The following ZSWIM4 variants were observed in gnomAD, a reference collection of about 807,000 sequenced individuals.
The protein encoded by ZSWIM4 is zinc finger SWIM-type containing 4.
ZSWIM4 carries 62 observed loss-of-function variants against 102.5 expected under a neutral mutation model. The observed-to-expected ratio is 0.60, with a 90% CI of 0.49 to 0.75. The LOEUF is 0.75. Among genes scored for constraint, ZSWIM4 ranks in the 30% least tolerant of loss-of-function variants. The pLI, the probability that ZSWIM4 is intolerant of heterozygous loss-of-function variation, is 0.00. For synonymous variants in ZSWIM4, 652 were observed against 674.5 expected (o/e 0.97, Z 0.52); for missense variants, 1,280 against 1,529.6 (o/e 0.84, Z 2.72).
rs908290630 is a variant in ZSWIM4 at position 13,825,866 on chromosome 19, C to G, written c.2379+153C>G. Among the ~76,000 whole-genome samples, 1 of 152,090 alleles carries G rather than the reference C, an allele frequency of 6.6e-6. No homozygotes were observed. Among genetic ancestry groups the G allele is most frequent in the Non-Finnish European group, 1.5e-5 (1 of 68,018 alleles). On this transcript the variant is annotated intron_variant, in intron 12 of 13. Transcript: ENST00000590508. This position sits in a 1 kb window ranked among gnomAD's most constrained non-coding sequence, Gnocchi z 4.6. ...TATTCCTCTGTGGCTGGGGACTGAG[C>G]GAGAACCACTCTTGGGGCGGGGACT...
At position 13,800,411 on chromosome 19, in the gene ZSWIM4, G is replaced by A. The variant is rs1240039489; in HGVS notation, c.355+490G>A. ...CTCCCAAGTAGCCGGGACTACAGGCGCCCGCCACCAAGCCCGGCTAATTTT... is the reference window on the plus strand; with the variant it reads ...CTCCCAAGTAGCCGGGACTACAGGCACCCGCCACCAAGCCCGGCTAATTTT... On this transcript the variant is annotated intron_variant, in intron 2 of 13. Coordinates refer to ENST00000590508, the MANE Select transcript of ZSWIM4 (RefSeq NM_001367834.3). Among the ~76,000 whole-genome samples the A allele has an allele frequency of 4.0e-5, 6 of 151,814 alleles. No homozygotes were observed. In the East Asian group the frequency reaches 5.8e-4, roughly 15 times the overall value.
rs529167596 is a variant in ZSWIM4 at position 13,809,810 on chromosome 19, A to C, written c.1012+590A>C. Among the ~76,000 whole-genome samples, 287 of 151,554 alleles carry C rather than the reference A, an allele frequency of 1.9e-3. No homozygotes were observed. The highest frequency in any genetic ancestry group is 6.7e-3 in the African/African-American group (275 of 41,294). The stretch of plus-strand genomic sequence containing the variant: ...GTTTTGTTTCTTTTTTTCTTTTTTT[A>C]GAGACAGGATCTCACTGTGCGCCCA... On this transcript the variant is annotated intron_variant, in intron 5 of 13. Coordinates refer to ENST00000590508, the MANE Select transcript of ZSWIM4 (RefSeq NM_001367834.3). The surrounding 1 kb of genome is among the most constrained non-coding windows in gnomAD (Gnocchi z 4.2).
intron 13 of ZSWIM4, 142 bp from the exon 14 acceptor site, chr19:13,830,049 C>G: frequency 3.6e-6 from 4 of 1,096,960 alleles, no homozygotes; most frequent in Non-Finnish European, 5.1e-6. Context: ...CCAGGTGCGC[C>G]CTGATGATTT....
chr19:13,807,679 T>C (rs1974955277), intron 3 of ZSWIM4, among the ~76,000 whole-genome samples: 1 of 150,566 alleles, frequency 6.6e-6, no homozygotes, highest in East Asian at 1.9e-4. Context: ...AATGAGCAAA[T>C]GGATGAGCTG....
Position 13,808,824 on chromosome 19 carries a change from C to T in ZSWIM4, c.713-12C>T, listed in dbSNP as rs1408190606. The T allele has an allele frequency of 2.5e-6, 4 of 1,591,242 alleles. No homozygotes were observed. The East Asian group carries it at 6.8e-5, about 27-fold the overall frequency. ...GCCCCAGCCTCAGCTTCCTTTCCCTCCCTCCCGGCAGGTGCCCCAGACCCC... is the reference window on the plus strand; with the variant it reads ...GCCCCAGCCTCAGCTTCCTTTCCCTTCCTCCCGGCAGGTGCCCCAGACCCC... On this transcript the variant is annotated splice_polypyrimidine_tract_variant and intron_variant, in intron 3 of 13. Coordinates refer to ENST00000590508, the MANE Select transcript of ZSWIM4 (RefSeq NM_001367834.3).
intron 6 of ZSWIM4, among the ~76,000 whole-genome samples, chr19:13,813,920 CAA>C (rs34407290): frequency 0.018 from 1,780 of 100,488 alleles, 36 homozygotes; most frequent in African/African-American, 0.052. Context: ...GACCCTGTCT[CAA>C]AAAAAAAAAA....
chr19:13,830,925 GC>G lies in ZSWIM4; in HGVS notation c.3199del (p.Arg1067GlyfsTer64). 6.2e-7 allele frequency: 1 copy of G among 1,614,208 alleles called. No individual in the cohort carries two copies. Among genetic ancestry groups the G allele is most frequent in the Non-Finnish European group, 8.5e-7 (1 of 1,180,032 alleles). On this transcript the variant is annotated frameshift_variant, in exon 14 of 14. Coordinates refer to ENST00000590508, the MANE Select transcript of ZSWIM4 (RefSeq NM_001367834.3). LOFTEE classifies it high-confidence loss of function. ...YGDFIEFLGK[A>X]RETFLLAPDG... ...GGATTTCATCGAATTCCTGGGCAAG[GC>G]CCGGGAGACCTTCCTGCTGGCGCCC...
chr19:13,811,845 T>A (rs535225104), intron 5 of ZSWIM4, among the ~76,000 whole-genome samples: 78 of 152,008 alleles, frequency 5.1e-4, no homozygotes, highest in Non-Finnish European at 1.0e-3. Context: ...GAGGCCGAGG[T>A]GGGCAGATCA....
intron 12 of ZSWIM4, among the ~76,000 whole-genome samples, chr19:13,827,236 G>A (rs1975633652): frequency 1.3e-5 from 2 of 151,344 alleles, no homozygotes; most frequent in Admixed American, 1.3e-4. Flanking sequence ...GCAGCAGTGA[G>A]CTATGATCGC....
intron 1 of ZSWIM4, chr19:13,797,044 G>GC (rs372729712): frequency 7.2e-4 from 110 of 152,368 alleles, no homozygotes; most frequent in African/African-American, 2.6e-3. Context: ...GCTAAGGAGG[G>GC]CCCCTTCATT....
At chr19:13,815,708 G>A (rs1975258577) in intron 7 of ZSWIM4, among the ~76,000 whole-genome samples, 1 of 150,992 alleles carries the variant, frequency 6.6e-6, no homozygotes, top group Admixed American at 6.6e-5. Context: ...CTGACCTTTT[G>A]ATCCACCCAC....
At chr19:13,797,466 T>A (rs1178454483) in intron 1 of ZSWIM4, among the ~76,000 whole-genome samples, 1 of 152,152 alleles carries the variant, frequency 6.6e-6, no homozygotes, top group Admixed American at 6.6e-5. Flanking sequence ...TCCCACTAAG[T>A]CTCAGATTCT....
chr19:13,814,891 T>G (rs969523929), intron 7 of ZSWIM4, 26 bp downstream of exon 7: 6 of 1,198,390 alleles, frequency 5.0e-6, no homozygotes, highest in Non-Finnish European at 5.4e-6. Flanking sequence ...GCACGGGGGC[T>G]CGCACCTGTG....
rs1274208969 is a variant in ZSWIM4 at position 13,799,792 on chromosome 19, G to C, written c.226G>C (p.Glu76Gln). 1.2e-6 allele frequency: 2 copies of C among 1,613,960 alleles called. No homozygotes were observed. The highest frequency in any genetic ancestry group is 2.2e-5 in the South Asian group (2 of 91,084). ...RIVFWSFPRS[E>Q]REICMYSSLG... The stretch of plus-strand genomic sequence containing the variant: ...CGTGTTTTGGTCGTTTCCACGCAGT[G>C]AACGGGAAATATGTATGTACTCGTC... The change falls in exon 2 of 14, where the codon GAA becomes CAA. Residue 76 changes from glutamate (E) to glutamine (Q), a missense_variant. Glu to Gln is a conservative substitution (Grantham distance 29, BLOSUM62 2). Transcript: ENST00000590508.
At chr19:13,818,051 C>A in intron 9 of ZSWIM4, 75 bp downstream of exon 9, 1 of 1,422,974 alleles carries the variant, frequency 7.0e-7, no homozygotes. Flanking sequence ...GGCCCGGTTG[C>A]TGCCAGATGG....
intron 13 of ZSWIM4, among the ~76,000 whole-genome samples, chr19:13,829,269 A>G (rs1054267859): frequency 2.5e-4 from 38 of 152,008 alleles, no homozygotes; most frequent in African/African-American, 8.2e-4. Flanking sequence ...TGGCAGGGTG[A>G]GACCCTGTCT....
intron 2 of ZSWIM4, among the ~76,000 whole-genome samples, chr19:13,802,378 G>C (rs560023237): frequency 2.3e-4 from 35 of 151,344 alleles, no homozygotes; most frequent in African/African-American, 8.5e-4. Flanking sequence ...CTAAGGTCAG[G>C]AGTTCAGCCT....
At chr19:13,813,689 G>C (rs575001517) in intron 6 of ZSWIM4, among the ~76,000 whole-genome samples, 50 of 152,076 alleles carry the variant, frequency 3.3e-4, no homozygotes, top group Non-Finnish European at 5.3e-4. Flanking sequence ...GGGAAGCTGA[G>C]GGGGGCAGAT....
chr19:13,830,536 T>A lies in ZSWIM4; in HGVS notation c.2807T>A (p.Leu936His). The A allele has an allele frequency of 6.3e-7, 1 of 1,599,408 alleles. No homozygotes were observed. The highest frequency in any genetic ancestry group is 8.5e-7 in the Non-Finnish European group (1 of 1,179,438). The change falls in exon 14 of 14, where the codon CTC becomes CAC. Residue 936 changes from leucine (L) to histidine (H), a missense_variant. By Grantham distance (99) the Leu-to-His change is moderately conservative (BLOSUM62 -3). Transcript: ENST00000590508. ...TATATGGAGCACCGCGGGCTGCCGC[T>A]CCGGGCCTACAAGCTGGCGACGCTG... is the stretch of plus-strand genomic sequence containing the variant. The part of the protein sequence containing the change: ...ARYMEHRGLP[L>H]RAYKLATLAL...
Sources: allele counts gnomAD v4.1 joint callset (sites outside exome capture counted in the v4.1 genomes callset), GRCh38; gene constraint gnomAD v4.1.1; non-coding constraint Gnocchi (gnomAD v3.1); transcripts MANE v1.5; gene names NCBI Gene and HGNC (gene_info 2026-07-23, HGNC 2026-07-21).